Variants in DNAJC8 observed in about 807,000 individuals in gnomAD.
DNAJC8 encodes DnaJ heat shock protein family (Hsp40) member C8, also known as dnaJ homolog subfamily C member 8.
A neutral mutation model predicts 43.2 loss-of-function variants in DNAJC8; 24 were observed. The observed-to-expected ratio is 0.56, with a 90% confidence interval of 0.40 to 0.78. The LOEUF is 0.78. Among genes scored for constraint, DNAJC8 ranks in the 30% least tolerant of loss-of-function variants. The pLI, the probability that DNAJC8 is intolerant of heterozygous loss-of-function variation, is 0.00. For synonymous variants in DNAJC8, 83 were observed against 98.0 expected (o/e 0.85, Z 0.90); for missense variants, 207 against 299.4 (o/e 0.69, Z 2.28).
chr1:28,208,614 TAATCTCATCTAA>T (rs1286472813), intron 5 of DNAJC8: 1 of 365,630 alleles, frequency 2.7e-6, no homozygotes, highest in Non-Finnish European at 4.9e-6. Flanking sequence ...GTCCTTTTTC[TAATCTCATCTAA>T]AATCCAATCT....
At chr1:28,216,970 G>A (rs1421107757) in intron 2 of DNAJC8, among the ~76,000 whole-genome samples, 3 of 151,550 alleles carry the variant, frequency 2.0e-5, no homozygotes, top group East Asian at 1.9e-4. Context: ...CACCACGCCC[G>A]GCTCATTTTG....
Position 28,205,339 on chromosome 1 carries a change from G to A in DNAJC8, c.482C>T (p.Ala161Val), listed in dbSNP as rs1646761603. Residue 161 changes from alanine to valine, a missense_variant, in exon 7 of 9, where the codon GCT becomes GTT. Physicochemically the swap from Ala to Val is moderately conservative, Grantham distance 64 (BLOSUM62 0). Coordinates refer to ENST00000263697, the MANE Select transcript of DNAJC8 (RefSeq NM_014280.3). ...EEDDPELFKQ[A>V]VYKQTMKLFA... ...GAGTTTCATTGTCTGTTTATATACA[G>A]CTTGTTTGAACTACAGGAAAATCAA... The A allele has an allele frequency of 6.2e-7, 1 of 1,606,362 alleles. No homozygotes were observed. Among genetic ancestry groups the A allele is most frequent in the Non-Finnish European group, 8.5e-7 (1 of 1,177,908 alleles).
At chr1:28,221,232 G>A (rs1265367459) in intron 2 of DNAJC8, among the ~76,000 whole-genome samples, 1 of 151,908 alleles carries the variant, frequency 6.6e-6, no homozygotes, top group South Asian at 2.1e-4. Context: ...CCAGCTACTC[G>A]GGAGACTGAG....
chr1:28,210,638 C>T lies in DNAJC8; in HGVS notation c.238-1G>A. The T allele has an allele frequency of 6.2e-7, 1 of 1,613,464 alleles. No homozygotes were observed. Among genetic ancestry groups the T allele is most frequent in the South Asian group, 1.1e-5 (1 of 91,052 alleles). ...TGTCAGGATGCACCAAGATGGATAA[C>T]TACAATAAGAGAAAAGTTGGGGTTG... On this transcript the variant is annotated splice_acceptor_variant, in intron 3 of 8. Coordinates refer to ENST00000263697, the MANE Select transcript of DNAJC8 (RefSeq NM_014280.3). LOFTEE classifies it high-confidence loss of function.
In DNAJC8 at chr1:28,219,304, C is replaced by G. The variant is rs112133409; in HGVS notation, c.181-4308G>C. Among the ~76,000 whole-genome samples, 1,184 of 151,890 alleles carry G rather than the reference C, an allele frequency of 7.8e-3. 9 individuals carry two copies. Among genetic ancestry groups the G allele is most frequent in the African/African-American group, 0.017 (702 of 41,434 alleles). On this transcript the variant is annotated intron_variant, in intron 2 of 8. Transcript: ENST00000263697. ...CAGACAGATCACTAGGTCAGGAGAT[C>G]GAGACAATCCTGGCTAACACGGTGA...
Position 28,210,657 on chromosome 1 carries a change from G to T in DNAJC8, c.238-20C>A. On this transcript the variant is annotated intron_variant, in intron 3 of 8. Coordinates refer to ENST00000263697, the MANE Select transcript of DNAJC8 (RefSeq NM_014280.3). Reference sequence around the variant, plus strand: ...GGATAACTACAATAAGAGAAAAGTTGGGGTTGTCAATAAGGGAAACATTTA... The same window carrying T: ...GGATAACTACAATAAGAGAAAAGTTTGGGTTGTCAATAAGGGAAACATTTA... The T allele has an allele frequency of 6.2e-7, 1 of 1,609,238 alleles. No individual in the cohort carries two copies.
At chr1:28,221,945 G>A (rs1468864690) in intron 2 of DNAJC8, among the ~76,000 whole-genome samples, 1 of 152,120 alleles carries the variant, frequency 6.6e-6, no homozygotes, top group Non-Finnish European at 1.5e-5. Flanking sequence ...CTACAACATT[G>A]AAGAACCCAA....
At chr1:28,221,067 C>T (rs889188998) in intron 2 of DNAJC8, among the ~76,000 whole-genome samples, 4 of 151,738 alleles carry the variant, frequency 2.6e-5, no homozygotes, top group East Asian at 3.9e-4. Flanking sequence ...AGGCTGGGCG[C>T]GGTGGCTCAC....
chr1:28,229,782 A>G (rs1646961554), intron 1 of DNAJC8, among the ~76,000 whole-genome samples: 1 of 151,032 alleles, frequency 6.6e-6, no homozygotes. Context: ...TCAAAAAAGA[A>G]AAAAAAAAAG....
chr1:28,218,822 C>A (rs920954433), intron 2 of DNAJC8, among the ~76,000 whole-genome samples: 1 of 152,052 alleles, frequency 6.6e-6, no homozygotes, highest in Non-Finnish European at 1.5e-5. Context: ...CTCATAACTT[C>A]CCAAGGAGAA....
intron 2 of DNAJC8, among the ~76,000 whole-genome samples, chr1:28,219,399 C>A (rs1418755269): frequency 6.6e-6 from 1 of 152,122 alleles, no homozygotes; most frequent in Non-Finnish European, 1.5e-5. Flanking sequence ...GTCCCAGCTA[C>A]TCAGGAAGCT....
chr1:28,225,900 C>T (rs1351433817), intron 2 of DNAJC8, among the ~76,000 whole-genome samples: 4 of 150,392 alleles, frequency 2.7e-5, no homozygotes, highest in Admixed American at 2.7e-4. Context: ...GATGGGGTTT[C>T]GCCATGTTGG....
At chr1:28,231,399 T>G (rs929679329) in intron 1 of DNAJC8, among the ~76,000 whole-genome samples, 9 of 152,042 alleles carry the variant, frequency 5.9e-5, no homozygotes, top group Non-Finnish European at 8.8e-5. Flanking sequence ...AATATGAAGA[T>G]CTGCAAAATT....
chr1:28,220,912 G>A (rs1646893912), intron 2 of DNAJC8, among the ~76,000 whole-genome samples: 1 of 152,010 alleles, frequency 6.6e-6, no homozygotes, highest in Admixed American at 6.6e-5. Context: ...GGATATGGAG[G>A]GAGAGACCCA....
intron 6 of DNAJC8, 76 bp from the exon 7 acceptor site, chr1:28,205,425 G>A: frequency 9.0e-7 from 1 of 1,113,420 alleles, no homozygotes; most frequent in Middle Eastern, 2.0e-4. Context: ...ACTTTCACCT[G>A]GAGTCCAAGA....
chr1:28,204,685 T>G (rs1194788669), intron 7 of DNAJC8, among the ~76,000 whole-genome samples: 1 of 152,154 alleles, frequency 6.6e-6, no homozygotes, highest in Non-Finnish European at 1.5e-5. Flanking sequence ...ACTGCTTATT[T>G]CACTCCAGGA....
In DNAJC8 at chr1:28,200,622, T is replaced by C. The variant is rs1389178659; in HGVS notation, c.*626A>G. On this transcript the variant is annotated 3_prime_UTR_variant, in exon 9 of 9. Coordinates refer to ENST00000263697, the MANE Select transcript of DNAJC8 (RefSeq NM_014280.3). ...TAACAAATGCAGACAGGCTAGGACA[T>C]GGTACTGGGTGGAGGACGGCTAGCT... 4.4e-6 allele frequency: 2 copies of C among 456,108 alleles called. No homozygotes were observed. Among genetic ancestry groups the C allele is most frequent in the East Asian group, 6.9e-5 (1 of 14,398 alleles). The allele number at this position is 456,108 out of a possible 1,614,324, so 28.3% of individuals were successfully genotyped here.
chr1:28,227,624 G>A (rs1370306481), intron 2 of DNAJC8, among the ~76,000 whole-genome samples: 2 of 151,946 alleles, frequency 1.3e-5, no homozygotes, highest in Non-Finnish European at 2.9e-5. Flanking sequence ...GTATTGAGCT[G>A]AGCCAGGTGT....
At chr1:28,208,518 G>T in intron 5 of DNAJC8, 105 bp from the exon 6 acceptor site, 3 of 532,540 alleles carry the variant, frequency 5.6e-6, no homozygotes, top group East Asian at 3.9e-5. Context: ...CACGGGTATA[G>T]CAAAAAGTTT....
Sources: allele counts gnomAD v4.1 joint callset (sites outside exome capture counted in the v4.1 genomes callset), GRCh38; gene constraint gnomAD v4.1.1; transcripts MANE v1.5; gene names NCBI Gene and HGNC (gene_info 2026-07-23, HGNC 2026-07-21).